FAM185A: variants seen among roughly 807,000 people sequenced by gnomAD.
FAM185A encodes family with sequence similarity 185 member A, also known as protein FAM185A.
A neutral mutation model predicts 45.7 loss-of-function variants in FAM185A; 21 were observed. The ratio of observed to expected loss-of-function variants is 0.46; its 90% CI spans 0.33 to 0.66. The LOEUF (loss-of-function observed/expected upper bound fraction) is 0.66. Among genes scored for constraint, FAM185A ranks in the 30% least tolerant of loss-of-function variants. The pLI is 0.03. For synonymous variants in FAM185A, 117 were observed against 194.0 expected, an observed-to-expected ratio of 0.60 and a Z score of 3.30; for missense variants, 305 against 485.4, an observed-to-expected ratio of 0.63 and a Z score of 3.49.
chr7:102,775,238 T>C (rs1186024325), intron 5 of FAM185A, among the ~76,000 whole-genome samples: 1 of 152,202 alleles, frequency 6.6e-6, no homozygotes, highest in Non-Finnish European at 1.5e-5. Context: ...CAGTACAGTA[T>C]TGTTAATTAC....
intron 7 of FAM185A, among the ~76,000 whole-genome samples, chr7:102,798,499 G>T (rs1240062881): frequency 6.6e-6 from 1 of 152,048 alleles, no homozygotes; most frequent in Non-Finnish European, 1.5e-5. Flanking sequence ...CACTGTGCTT[G>T]GCCTCTATTG....
chr7:102,767,985 A>G (rs1051216635), intron 4 of FAM185A, among the ~76,000 whole-genome samples: 12 of 139,918 alleles, frequency 8.6e-5, no homozygotes, highest in African/African-American at 3.1e-4. Flanking sequence ...TATTTTTTCA[A>G]TCTATCTCAC....
At chr7:102,797,921 G>A (rs1356136621) in intron 7 of FAM185A, among the ~76,000 whole-genome samples, 1 of 152,208 alleles carries the variant, frequency 6.6e-6, no homozygotes, top group Non-Finnish European at 1.5e-5. Context: ...CAAGAAGCTT[G>A]TTAATCCTAT....
At chr7:102,826,770 T>TATATATAC in the FAM185A span, among the ~76,000 whole-genome samples, 1 of 98,982 alleles carries the variant, frequency 1.0e-5, no homozygotes, top group African/African-American at 4.0e-5. Flanking sequence ...TATATATATA[T>TATATATAC]ATGTATATAT....
chr7:102,811,077 T>C (rs1230967150), downstream of FAM185A, among the ~76,000 whole-genome samples: 1 of 152,180 alleles, frequency 6.6e-6, no homozygotes, highest in Non-Finnish European at 1.5e-5. Context: ...TACTATTAAG[T>C]AGAGGAAACT....
chr7:102,826,909 TA>T, the FAM185A span, among the ~76,000 whole-genome samples: 4 of 149,654 alleles, frequency 2.7e-5, no homozygotes, highest in East Asian at 3.9e-4. Flanking sequence ...TATTATGTTA[TA>T]TTATGCTATA....
chr7:102,833,796 A>G, the FAM185A span, among the ~76,000 whole-genome samples: 7 of 151,928 alleles, frequency 4.6e-5, no homozygotes, highest in Non-Finnish European at 5.9e-5. Context: ...TTCACCTGAA[A>G]TATCTAGGAC....
chr7:102,819,815 C>A, the FAM185A span, among the ~76,000 whole-genome samples: 4 of 152,182 alleles, frequency 2.6e-5, no homozygotes, highest in African/African-American at 9.7e-5. Context: ...GATTAGAGAT[C>A]ATCAAGGGCT....
At chr7:102,778,629 T>C (rs1455391106) in intron 6 of FAM185A, among the ~76,000 whole-genome samples, 1 of 152,330 alleles carries the variant, frequency 6.6e-6, no homozygotes, top group Non-Finnish European at 1.5e-5. Context: ...TGGAACAATA[T>C]TGGAATAGTA....
chr7:102,779,462 A>G (rs1750326281), intron 6 of FAM185A, among the ~76,000 whole-genome samples: 1 of 152,214 alleles, frequency 6.6e-6, no homozygotes, highest in African/African-American at 2.4e-5. Context: ...AGTGTTCATA[A>G]AGTTAGCACA....
intron 4 of FAM185A, among the ~76,000 whole-genome samples, chr7:102,770,686 T>C (rs893890865): frequency 6.6e-6 from 1 of 152,074 alleles, no homozygotes; most frequent in African/African-American, 2.4e-5. Context: ...ATGGCTATTA[T>C]TAAAAATAAG....
At chr7:102,838,699 T>C in the FAM185A span, among the ~76,000 whole-genome samples, 5 of 152,298 alleles carry the variant, frequency 3.3e-5, no homozygotes, top group South Asian at 1.0e-3. Flanking sequence ...GATCTAGGGT[T>C]GTGCAGGATG....
chr7:102,760,325 T>C (rs1447185424), intron 3 of FAM185A, among the ~76,000 whole-genome samples: 5 of 152,190 alleles, frequency 3.3e-5, no homozygotes, highest in African/African-American at 1.2e-4. Context: ...TTAAATCTAC[T>C]TTTTGTTCTG....
At chr7:102,756,529 C>T (rs1478921598) in intron 2 of FAM185A, among the ~76,000 whole-genome samples, 2 of 151,832 alleles carry the variant, frequency 1.3e-5, no homozygotes, top group Admixed American at 6.6e-5. Flanking sequence ...TGATGGCATA[C>T]GCTTGTAGTC....
chr7:102,776,882 T>C (rs2129437794), intron 5 of FAM185A, among the ~76,000 whole-genome samples: 1 of 151,966 alleles, frequency 6.6e-6, no homozygotes, highest in South Asian at 2.1e-4. Flanking sequence ...AATTCTTTGG[T>C]AATTATTGAA....
At chr7:102,845,141 C>G in the FAM185A span, among the ~76,000 whole-genome samples, 238 of 152,204 alleles carry the variant, frequency 1.6e-3, 1 homozygote, top group Non-Finnish European at 2.5e-4. Context: ...AATCTCCAGC[C>G]CCTCTCCCCT....
the FAM185A span, among the ~76,000 whole-genome samples, chr7:102,843,754 C>T: frequency 6.6e-6 from 1 of 151,946 alleles, no homozygotes; most frequent in African/African-American, 2.4e-5. Context: ...CCAGCCTGGG[C>T]GACAGAGCGA....
At chr7:102,832,047 CTAA>C in the FAM185A span, among the ~76,000 whole-genome samples, 1 of 152,092 alleles carries the variant, frequency 6.6e-6, no homozygotes. Context: ...GTAACTATTT[CTAA>C]TCTTTTTGTG....
the FAM185A span, chr7:102,832,958 G>A: frequency 6.2e-7 from 1 of 1,614,010 alleles, no homozygotes; most frequent in Non-Finnish European, 8.5e-7. Flanking sequence ...CAAGATCAGT[G>A]AGCTTTTGCA....
Sources: gnomAD v4.1 joint callset for allele counts (sites outside exome capture counted in the v4.1 genomes callset) on GRCh38, gnomAD v4.1.1 for gene constraint, MANE v1.5 for transcripts, NCBI Gene and HGNC (gene_info 2026-07-23, HGNC 2026-07-21) for gene names.